RASL12: variants seen among roughly 807,000 people sequenced by gnomAD.
RASL12 encodes the protein RAS like family 12, also known as ras-like protein family member 12.
In RASL12, 16 loss-of-function variants were observed where a neutral mutation model predicts 22.9. That is an observed-to-expected ratio of 0.70 (90% CI 0.47 to 1.06). The LOEUF (loss-of-function observed/expected upper bound fraction) is 1.06, where lower values mean the gene tolerates loss of function less well. Ranked by LOEUF, RASL12 falls within the 50% of genes least tolerant of loss-of-function variation. The pLI, the probability that RASL12 is intolerant of heterozygous loss-of-function variation, is 0.00. For missense variants in RASL12, 306 were observed against 353.1 expected (o/e 0.87, Z 1.07); for synonymous variants, 159 against 152.2 (o/e 1.04, Z -0.33).
upstream of RASL12, chr15:65,068,092 C>T: frequency 1.9e-6 from 2 of 1,052,630 alleles, no homozygotes; most frequent in South Asian, 9.1e-5. This position sits in a 1 kb window ranked among gnomAD's most constrained non-coding sequence, Gnocchi z 4.2. Flanking sequence ...CCGCGGGGCG[C>T]GCTCAGCCGG....
At chr15:65,063,021 C>T (rs2086830574) in intron 2 of RASL12, among the ~76,000 whole-genome samples, 1 of 152,156 alleles carries the variant, frequency 6.6e-6, no homozygotes, top group Admixed American at 6.5e-5. Flanking sequence ...ACTTCCCAGA[C>T]AGTCTGCCCA....
chr15:65,076,062 A>G (rs565424675), intron 1 of RASL12, among the ~76,000 whole-genome samples: 1 of 152,286 alleles, frequency 6.6e-6, no homozygotes, highest in Admixed American at 6.5e-5. Flanking sequence ...TAGCTCAGGG[A>G]TTGTAAACCC....
At chr15:65,076,519 T>C (rs1249156427) in intron 1 of RASL12, 4 of 697,922 alleles carry the variant, frequency 5.7e-6, no homozygotes, top group Admixed American at 2.0e-5. Flanking sequence ...TTAAGAGCTG[T>C]AACACTCACC....
downstream of RASL12, among the ~76,000 whole-genome samples, chr15:65,052,129 G>T (rs1377440130): frequency 6.6e-6 from 1 of 152,224 alleles, no homozygotes; most frequent in Non-Finnish European, 1.5e-5. Context: ...AATGAAGGTG[G>T]TTGGGGGAGG....
At chr15:65,049,861 T>G, downstream of RASL12, 2 of 496,300 alleles carry the variant, frequency 4.0e-6, no homozygotes, top group Non-Finnish European at 7.0e-6. Context: ...CAAACTCGGG[T>G]GGGATATCCA....
rs907210836 is a variant in RASL12 at position 65,058,544 on chromosome 15, C to T, written c.308G>A (p.Arg103His). ...AFLVVYSVDSRQSFDSSSSYL... is the reference protein window; with the variant it reads ...AFLVVYSVDSHQSFDSSSSYL... ...GCTGCTGCTGCTATCAAAGCTCTGG[C>T]GGCTGTCGACGCTGTACACCACCAG... The change falls in exon 4 of 5, where the codon CGC (arginine) becomes CAC (histidine). Residue 103 changes from arginine (R) to histidine (H), a missense_variant. Coordinates refer to ENST00000220062, the MANE Select transcript of RASL12 (RefSeq NM_016563.4). 7.4e-6 allele frequency: 12 copies of T among 1,611,166 alleles called. No individual in the cohort carries two copies. The highest frequency in any genetic ancestry group is 4.0e-5 in the African/African-American group (3 of 74,888).
chr15:65,063,937 TG>T (rs1241274281), intron 2 of RASL12, among the ~76,000 whole-genome samples: 1 of 152,152 alleles, frequency 6.6e-6, no homozygotes, highest in African/African-American at 2.4e-5. Flanking sequence ...CACAAAGCCT[TG>T]GGCTTCTTTG....
rs1390390324 is a variant in RASL12, at chr15:65,064,741, C to A, written c.160+476G>T. On this transcript the variant is annotated intron_variant, in intron 2 of 4. Transcript: ENST00000220062. The stretch of plus-strand genomic sequence containing the variant: ...CCTCCCTAGAAGCTGGGATTACAGG[C>A]ACACACCACTATGCCCAGCTAATTT... 3.9e-5 allele frequency among the ~76,000 whole-genome samples: 6 copies of A among 152,004 alleles called. No individual in the cohort carries two copies. The East Asian group carries it at 9.7e-4, about 24-fold the overall frequency.
chr15:65,061,579 T>G (rs1371220784), intron 2 of RASL12, among the ~76,000 whole-genome samples: 1 of 152,208 alleles, frequency 6.6e-6, no homozygotes, highest in Non-Finnish European at 1.5e-5. Context: ...TCCTTAAATA[T>G]ATGGGTTTCC....
At chr15:65,075,166 G>T (rs972906044) in intron 1 of RASL12, among the ~76,000 whole-genome samples, 1 of 152,228 alleles carries the variant, frequency 6.6e-6, no homozygotes, top group African/African-American at 2.4e-5. Flanking sequence ...CTTTGCACCC[G>T]GGCCAGTGGC....
intron 2 of RASL12, among the ~76,000 whole-genome samples, chr15:65,063,828 G>A (rs2140528006): frequency 6.6e-6 from 1 of 152,346 alleles, no homozygotes; most frequent in East Asian, 1.9e-4. Context: ...TGAACTAAGG[G>A]GCTGGGCACC....
At chr15:65,070,717 G>A (rs1030509945), upstream of RASL12, among the ~76,000 whole-genome samples, 1 of 152,298 alleles carries the variant, frequency 6.6e-6, no homozygotes, top group Non-Finnish European at 1.5e-5. Context: ...CAACCCCCAG[G>A]AGCCCTTTCA....
At position 65,055,055 on chromosome 15, in the gene RASL12, C is replaced by A. The variant is rs141133478; in HGVS notation, c.645G>T (p.Gly215=). The change falls in exon 5 of 5, where the codon GGG becomes GGT. Residue 215 remains glycine, a synonymous_variant. Transcript: ENST00000220062. The part of the protein sequence containing the change: ...PHQAPLTARH[G]LASCTFNTLS... ...GCGTGTTGAAGGTGCAGCTGGCCAG[C>A]CCATGCCGCGCGGTGAGCGGGGCCT... The A allele has an allele frequency of 8.5e-4, 1,377 of 1,613,336 alleles. 4 individuals carry two copies. The highest frequency in any genetic ancestry group is 1.1e-3 in the Non-Finnish European group (1,309 of 1,179,794).
chr15:65,058,258 G>T (rs932895073), intron 4 of RASL12, among the ~76,000 whole-genome samples, 169 bp downstream of exon 4: 1 of 152,220 alleles, frequency 6.6e-6, no homozygotes, highest in Non-Finnish European at 1.5e-5. Context: ...GACACAGTGA[G>T]ACTCTGTCTC....
At chr15:65,074,601 C>T (rs1015514988) in intron 1 of RASL12, among the ~76,000 whole-genome samples, 1 of 152,016 alleles carries the variant, frequency 6.6e-6, no homozygotes, top group Non-Finnish European at 1.5e-5. Flanking sequence ...TTCCCCATGT[C>T]GGCCAGGCTG....
chr15:65,073,391 G>C (rs1381291687), intron 1 of RASL12, among the ~76,000 whole-genome samples: 1 of 152,174 alleles, frequency 6.6e-6, no homozygotes. Context: ...GACAGTGACA[G>C]ATCATCAGGC....
intron 1 of RASL12, among the ~76,000 whole-genome samples, chr15:65,066,170 AGGAG>A (rs1365635080): frequency 6.6e-6 from 1 of 151,066 alleles, no homozygotes; most frequent in Non-Finnish European, 1.5e-5. Context: ...GATGAAGGGA[AGGAG>A]GGAGGGAGGG....
upstream of RASL12, among the ~76,000 whole-genome samples, chr15:65,071,581 G>A (rs902450786): frequency 6.6e-6 from 1 of 152,128 alleles, no homozygotes; most frequent in African/African-American, 2.4e-5. Context: ...GGTAGAAACT[G>A]GGTGGGTGCC....
At chr15:65,053,278 C>G (rs933849150), downstream of RASL12, 13 of 1,429,452 alleles carry the variant, frequency 9.1e-6, no homozygotes, top group Non-Finnish European at 1.1e-5. Context: ...TTTTCTTTTT[C>G]TTTCTTTCTT....
Sources: allele counts gnomAD v4.1 joint callset (sites outside exome capture counted in the v4.1 genomes callset), GRCh38; gene constraint gnomAD v4.1.1; non-coding constraint Gnocchi (gnomAD v3.1); transcripts MANE v1.5; gene names NCBI Gene and HGNC (gene_info 2026-07-23, HGNC 2026-07-21).